The following ETNK1 variants were observed in gnomAD, a reference collection of about 807,000 sequenced individuals.
ETNK1 encodes ethanolamine kinase 1.
A neutral mutation model predicts 45.1 loss-of-function variants in ETNK1; 8 were observed. That is an observed-to-expected ratio of 0.18 (90% CI 0.10 to 0.32). The LOEUF (loss-of-function observed/expected upper bound fraction) is 0.32. ETNK1 is among the 10% of genes least tolerant of loss of function. The pLI, the probability that ETNK1 is intolerant of heterozygous loss-of-function variation, is 1.00. For missense variants in ETNK1, 302 were observed against 430.6 expected, an observed-to-expected ratio of 0.70 and a Z score of 2.64; for synonymous variants, 152 against 151.9, an observed-to-expected ratio of 1.00 and a Z score of -0.01.
chr12:22,671,735 A>G (rs1280445562), intron 5 of ETNK1, among the ~76,000 whole-genome samples: 1 of 148,738 alleles, frequency 6.7e-6, no homozygotes, highest in Admixed American at 6.7e-5. Context: ...GCTACTTGGG[A>G]GGCTGAGGCA....
intron 1 of ETNK1, 135 bp from the exon 2 acceptor site, chr12:22,643,628 C>G (rs928227248): frequency 3.3e-6 from 2 of 602,064 alleles, no homozygotes; most frequent in Admixed American, 3.2e-5. Context: ...AAATTGTATT[C>G]AAAGATGGTT....
chr12:22,674,203 ATTTATAT>A (rs1954138529), intron 6 of ETNK1, among the ~76,000 whole-genome samples: 1 of 152,162 alleles, frequency 6.6e-6, no homozygotes, highest in South Asian at 2.1e-4. Flanking sequence ...CTTTACATGC[ATTTATAT>A]TTTAAAAATG....
At position 22,659,158 on chromosome 12, in the gene ETNK1, A is replaced by T. The variant is rs1565444166; in HGVS notation, c.557+4A>T. 2 of 1,610,404 alleles carry T rather than the reference A, an allele frequency of 1.2e-6. No homozygotes were observed. The highest frequency in any genetic ancestry group is 4.5e-5 in the East Asian group (2 of 44,834). ...CAGATGAAGACATTAATAAAAGGTA[A>T]AATTATTTTTACATTTGAAATTATG... On this transcript the variant is annotated splice_donor_region_variant and intron_variant, in intron 3 of 7. Coordinates refer to ENST00000266517, the MANE Select transcript of ETNK1 (RefSeq NM_018638.5).
At position 22,684,494 on chromosome 12, in the gene ETNK1, C is replaced by T. The variant is rs1426843432; in HGVS notation, c.957C>T (p.Phe319=). The change falls in exon 7 of 8, where the codon TTC becomes TTT. Residue 319 remains phenylalanine, a synonymous_variant. Transcript: ENST00000266517. ...QVNQFALASH[F]FWGLWALIQA... is the part of the protein sequence containing the mutation. ...TTCCTTCTTTTAAGGCTTCTCATTTCTTTTGGGGATTGTGGGCTTTGATTC... is the reference window on the plus strand; with the variant it reads ...TTCCTTCTTTTAAGGCTTCTCATTTTTTTTGGGGATTGTGGGCTTTGATTC... 1.9e-6 allele frequency: 3 copies of T among 1,608,418 alleles called. No homozygotes were observed. In the South Asian group the frequency reaches 3.3e-5, roughly 18 times the overall value.
chr12:22,647,935 A>G (rs976463983), intron 2 of ETNK1, among the ~76,000 whole-genome samples: 10 of 151,978 alleles, frequency 6.6e-5, no homozygotes, highest in African/African-American at 2.4e-4. Context: ...AGAAGGACCA[A>G]TATATGATAG....
chr12:22,670,788 A>G (rs1954100352), intron 4 of ETNK1, among the ~76,000 whole-genome samples: 1 of 152,226 alleles, frequency 6.6e-6, no homozygotes, highest in East Asian at 1.9e-4. Context: ...GCATTATTGC[A>G]AGATTTACAG....
intron 1 of ETNK1, among the ~76,000 whole-genome samples, chr12:22,632,232 A>G (rs1953589582): frequency 6.6e-6 from 1 of 152,138 alleles, no homozygotes; most frequent in Non-Finnish European, 1.5e-5. Context: ...TTGTACCACA[A>G]TATTATATTA....
chr12:22,658,945 A>G, intron 2 of ETNK1, 69 bp from the exon 3 acceptor site: 14 of 1,496,884 alleles, frequency 9.4e-6, no homozygotes, highest in Non-Finnish European at 1.2e-5. Flanking sequence ...TTCATCAAGA[A>G]TCTTTGTCAG....
At chr12:22,631,913 G>A (rs1201324787) in intron 1 of ETNK1, among the ~76,000 whole-genome samples, 1 of 152,020 alleles carries the variant, frequency 6.6e-6, no homozygotes, top group African/African-American at 2.4e-5. Context: ...TTTAAAAATT[G>A]TGAAAAACAG....
At chr12:22,662,668 G>T (rs1954017601) in intron 4 of ETNK1, among the ~76,000 whole-genome samples, 1 of 152,156 alleles carries the variant, frequency 6.6e-6, no homozygotes, top group Non-Finnish European at 1.5e-5. Flanking sequence ...AAAGTGCTGG[G>T]ATTACTGGCG....
At chr12:22,654,808 A>G (rs772302323) in intron 2 of ETNK1, among the ~76,000 whole-genome samples, 50 of 152,218 alleles carry the variant, frequency 3.3e-4, no homozygotes, top group Non-Finnish European at 6.9e-4. Flanking sequence ...GATGTTTTAA[A>G]ATTATATAAA....
intron 5 of ETNK1, among the ~76,000 whole-genome samples, chr12:22,673,214 A>G (rs1954127924): frequency 6.6e-6 from 1 of 152,200 alleles, no homozygotes. Flanking sequence ...CCTAAAATGC[A>G]TAGTTTGGGT....
At chr12:22,635,536 C>T (rs1953645051) in intron 1 of ETNK1, among the ~76,000 whole-genome samples, 1 of 152,190 alleles carries the variant, frequency 6.6e-6, no homozygotes, top group African/African-American at 2.4e-5. Context: ...AAGACTTCTA[C>T]TCCTGATATT....
At chr12:22,676,644 GTT>G (rs1954165355) in intron 6 of ETNK1, among the ~76,000 whole-genome samples, 1 of 151,866 alleles carries the variant, frequency 6.6e-6, no homozygotes, top group Non-Finnish European at 1.5e-5. Context: ...AAGCGTTTCT[GTT>G]TCTCCACATC....
At chr12:22,629,914 A>C (rs1416870633) in intron 1 of ETNK1, among the ~76,000 whole-genome samples, 2 of 152,220 alleles carry the variant, frequency 1.3e-5, no homozygotes, top group African/African-American at 4.8e-5. Flanking sequence ...ATTTTAGAAT[A>C]ATAAAGTATA....
intron 2 of ETNK1, among the ~76,000 whole-genome samples, chr12:22,645,455 T>C (rs1256685959): frequency 2.0e-5 from 3 of 151,836 alleles, no homozygotes; most frequent in Non-Finnish European, 3.0e-5. Context: ...TACAATGTTA[T>C]AAACATGTTT....
intron 2 of ETNK1, among the ~76,000 whole-genome samples, chr12:22,648,276 G>C (rs1953832399): frequency 6.6e-6 from 1 of 151,880 alleles, no homozygotes; most frequent in Non-Finnish European, 1.5e-5. Context: ...TACATTCTGT[G>C]GGTTTGGGCA....
chr12:22,628,739 T>C (rs1953536717), intron 1 of ETNK1, among the ~76,000 whole-genome samples: 1 of 152,106 alleles, frequency 6.6e-6, no homozygotes, highest in Admixed American at 6.5e-5. Flanking sequence ...CTCACTAACT[T>C]GTCACTATGA....
intron 1 of ETNK1, among the ~76,000 whole-genome samples, chr12:22,643,453 G>A (rs188124506): frequency 1.3e-5 from 2 of 152,156 alleles, no homozygotes; most frequent in African/African-American, 4.8e-5. Context: ...AAGGCAGACT[G>A]TGAGAAATGG....
Sources: allele counts gnomAD v4.1 joint callset (sites outside exome capture counted in the v4.1 genomes callset), GRCh38; gene constraint gnomAD v4.1.1; transcripts MANE v1.5; gene names NCBI Gene and HGNC (gene_info 2026-07-23, HGNC 2026-07-21).